Variants in STXBP3 observed in about 807,000 individuals in gnomAD.
STXBP3 encodes the protein syntaxin-binding protein 3.
STXBP3 carries 41 observed loss-of-function variants against 85.7 expected under a neutral mutation model. The ratio of observed to expected loss-of-function variants is 0.48; its 90% CI spans 0.37 to 0.62. The LOEUF (loss-of-function observed/expected upper bound fraction) is 0.62. Ranked by LOEUF, STXBP3 falls within the 20% of genes least tolerant of loss-of-function variation. The pLI is 0.00. For synonymous variants in STXBP3, 229 were observed against 231.7 expected (o/e 0.99, Z 0.10); for missense variants, 563 against 703.1 (o/e 0.80, Z 2.25).
chr1:108,793,156 C>CCT (rs1663011929), intron 11 of STXBP3, among the ~76,000 whole-genome samples: 1 of 69,324 alleles, frequency 1.4e-5, no homozygotes, highest in Non-Finnish European at 2.7e-5. Flanking sequence ...CTCTTATCTC[C>CCT]ATTTTTTTTT....
chr1:108,748,979 G>A (rs1381021243), intron 1 of STXBP3, among the ~76,000 whole-genome samples: 2 of 152,160 alleles, frequency 1.3e-5, no homozygotes, highest in South Asian at 2.1e-4. Flanking sequence ...AGGGAATTTC[G>A]AGGTGTGTAT....
At chr1:108,782,356 A>G in intron 9 of STXBP3, 66 bp from the exon 10 acceptor site, 1 of 1,219,550 alleles carries the variant, frequency 8.2e-7, no homozygotes, top group South Asian at 1.3e-5. Context: ...ATTGTTTGTA[A>G]AAATGTTTCT....
At chr1:108,770,879 G>T (rs989387903) in intron 6 of STXBP3, among the ~76,000 whole-genome samples, 7 of 152,028 alleles carry the variant, frequency 4.6e-5, no homozygotes, top group African/African-American at 1.2e-4. Flanking sequence ...CTGTACATAC[G>T]TACAGTAAGA....
At chr1:108,793,157 A>ATTTTTTTTCTTTT (rs1663012336) in intron 11 of STXBP3, among the ~76,000 whole-genome samples, 1 of 67,508 alleles carries the variant, frequency 1.5e-5, no homozygotes, top group African/African-American at 6.0e-5. Flanking sequence ...TCTTATCTCC[A>ATTTTTTTTCTTTT]TTTTTTTTTT....
chr1:108,786,610 T>C (rs1164477405), intron 11 of STXBP3, among the ~76,000 whole-genome samples: 1 of 152,230 alleles, frequency 6.6e-6, no homozygotes. Flanking sequence ...AATGTGTGGG[T>C]CTGTGGACTC....
intron 18 of STXBP3, among the ~76,000 whole-genome samples, chr1:108,808,512 G>A (rs761116554): frequency 1.8e-4 from 28 of 152,270 alleles, no homozygotes; most frequent in Admixed American, 2.6e-4. Context: ...GGATAATCCC[G>A]TTTTGCCCTT....
rs1662689809 is a variant in STXBP3, at chr1:108,780,379, C to G, written c.809+969C>G. 3 of 152,024 alleles carry G rather than the reference C, an allele frequency of 2.0e-5. No homozygotes were observed. The South Asian group carries it at 6.2e-4, about 32-fold the overall frequency. 9.4% of individuals were successfully genotyped at this position (152,024 alleles called of 1,614,324 possible). A position where few individuals can be genotyped will look rare whatever the true frequency, so the allele number is the denominator to read the frequency against. On this transcript the variant is annotated intron_variant, in intron 9 of 18. Coordinates refer to ENST00000370008, the MANE Select transcript of STXBP3 (RefSeq NM_007269.4). ...GTTTATTCAGAGGGGATATTATTTA[C>G]CTCTGTTACCCTGTAGGTCTCTAAA...
intron 11 of STXBP3, among the ~76,000 whole-genome samples, chr1:108,788,922 G>A (rs757514134): frequency 3.9e-5 from 6 of 152,014 alleles, no homozygotes; most frequent in African/African-American, 7.2e-5. Flanking sequence ...AAAATTAGCC[G>A]AGCTTGATGG....
intron 17 of STXBP3, among the ~76,000 whole-genome samples, chr1:108,803,432 GTTTC>G (rs1373541840): frequency 6.6e-6 from 1 of 152,190 alleles, no homozygotes; most frequent in East Asian, 1.9e-4. Context: ...TGTGGGCTCA[GTTTC>G]TTTCTTTCTG....
At chr1:108,759,336 A>T (rs181729725) in intron 5 of STXBP3, 1 of 152,188 alleles carries the variant, frequency 6.6e-6, no homozygotes, top group Non-Finnish European at 1.5e-5. Context: ...ACAGAGCATC[A>T]TGTTTATGGA....
At chr1:108,792,399 G>A (rs535805182) in intron 11 of STXBP3, among the ~76,000 whole-genome samples, 14 of 152,230 alleles carry the variant, frequency 9.2e-5, no homozygotes, top group Middle Eastern at 3.4e-3. Flanking sequence ...CATAGTAACT[G>A]TACATATTTA....
At chr1:108,758,125 T>TCCA (rs1662058812) in intron 4 of STXBP3, among the ~76,000 whole-genome samples, 1 of 152,132 alleles carries the variant, frequency 6.6e-6, no homozygotes, top group African/African-American at 2.4e-5. Flanking sequence ...TGGTTCGTTA[T>TCCA]CCATGTAGAT....
rs567697945 is a variant in STXBP3 at position 108,791,482 on chromosome 1, A to G, written c.964-2100A>G. 4.0e-5 allele frequency among the ~76,000 whole-genome samples: 6 copies of G among 150,392 alleles called. No individual in the cohort carries two copies. In the East Asian group the frequency reaches 1.2e-3, roughly 29 times the overall value. ...CTCTCTTTCTGGGACCCCAGTCAAC[A>G]TGTTTTTTAGATCTCTTGACTGTAT... On this transcript the variant is annotated intron_variant, in intron 11 of 18. Transcript: ENST00000370008.
At chr1:108,749,925 A>C (rs534007860) in intron 1 of STXBP3, among the ~76,000 whole-genome samples, 2 of 152,304 alleles carry the variant, frequency 1.3e-5, no homozygotes, top group Non-Finnish European at 2.9e-5. Context: ...TGACCTAATA[A>C]GTTTTTTACA....
chr1:108,808,754 C>T lies in STXBP3; in HGVS notation c.1685-29C>T, dbSNP rs201598940. On this transcript the variant is annotated intron_variant, in intron 18 of 18. Transcript: ENST00000370008. ...AAGGAAAATTGATTTAACTGCTGGC[C>T]TCTGAAAAATTCTCTTTTCTCCTAC... The T allele has an allele frequency of 6.1e-4, 934 of 1,540,898 alleles. 1 individual carries two copies. Among genetic ancestry groups the T allele is most frequent in the Non-Finnish European group, 7.8e-4 (870 of 1,116,346 alleles).
At chr1:108,757,927 TC>T (rs1203659725) in intron 4 of STXBP3, among the ~76,000 whole-genome samples, 1 of 152,098 alleles carries the variant, frequency 6.6e-6, no homozygotes. Context: ...AAATAATTTT[TC>T]TAGGGGTTGT....
chr1:108,793,487 A>G, intron 11 of STXBP3, 95 bp from the exon 12 acceptor site: 2 of 1,093,070 alleles, frequency 1.8e-6, no homozygotes, highest in Non-Finnish European at 1.3e-6. Flanking sequence ...TAAATTAACT[A>G]GATTTGATAA....
At chr1:108,784,846 A>T (rs1662791418) in intron 11 of STXBP3, among the ~76,000 whole-genome samples, 1 of 152,252 alleles carries the variant, frequency 6.6e-6, no homozygotes, top group Admixed American at 6.5e-5. Flanking sequence ...AGAGGGGCTT[A>T]CAGGCCCCAT....
intron 3 of STXBP3, among the ~76,000 whole-genome samples, chr1:108,754,635 AATAG>A (rs1186062942): frequency 6.6e-6 from 1 of 152,150 alleles, no homozygotes; most frequent in African/African-American, 2.4e-5. Flanking sequence ...GCTCACTATT[AATAG>A]ATATTCTTCA....
Sources: allele counts gnomAD v4.1 joint callset (sites outside exome capture counted in the v4.1 genomes callset), GRCh38; gene constraint gnomAD v4.1.1; transcripts MANE v1.5; gene names NCBI Gene and HGNC (gene_info 2026-07-23, HGNC 2026-07-21).